Variants in PLSCR2 observed in about 807,000 individuals in gnomAD.
PLSCR2 encodes phospholipid scramblase 2.
PLSCR2 carries 18 observed loss-of-function variants against 25.3 expected under a neutral mutation model. That is an observed-to-expected ratio of 0.71 (90% CI 0.49 to 1.06). The LOEUF (loss-of-function observed/expected upper bound fraction) is 1.06. Among genes scored for constraint, PLSCR2 ranks in the 50% least tolerant of loss-of-function variants. The pLI is 0.00. For missense variants in PLSCR2, 243 were observed against 269.5 expected, an observed-to-expected ratio of 0.90 and a Z score of 0.69; for synonymous variants, 88 against 87.3, an observed-to-expected ratio of 1.01 and a Z score of -0.04.
At chr3:146,475,357 G>A (rs918288806) in intron 1 of PLSCR2, among the ~76,000 whole-genome samples, 1 of 151,810 alleles carries the variant, frequency 6.6e-6, no homozygotes, top group Admixed American at 6.6e-5. Flanking sequence ...CCATTTTTGC[G>A]GGGGTCATTT....
intron 2 of PLSCR2, chr3:146,401,576 T>C (rs1343613232): frequency 6.6e-6 from 1 of 152,534 alleles, no homozygotes; most frequent in South Asian, 2.1e-4. Flanking sequence ...AATAAAATAA[T>C]TCATTAATTT....
intron 3 of PLSCR2, among the ~76,000 whole-genome samples, chr3:146,394,228 A>G (rs2038196820): frequency 1.3e-5 from 2 of 152,070 alleles, no homozygotes; most frequent in South Asian, 4.1e-4. Flanking sequence ...AAAAGAGACT[A>G]CAGATACTTT....
At chr3:146,406,274 C>T (rs1481963807) in intron 2 of PLSCR2, among the ~76,000 whole-genome samples, 3 of 152,088 alleles carry the variant, frequency 2.0e-5, no homozygotes, top group Non-Finnish European at 4.4e-5. Flanking sequence ...ATTTCCAGGA[C>T]AGAGGTAAAA....
In PLSCR2 at chr3:146,393,991, T is replaced by G. The variant is rs186110931; in HGVS notation, c.*145+1769A>C. ...AACTTTTTAACACTTGTCTCTATAT[T>G]TTGAAGTTAATATTACATGCATACA... On this transcript the variant is annotated intron_variant and NMD_transcript_variant, in intron 3 of 3. Coordinates refer to the PLSCR2 transcript ENST00000463633. 5.3e-5 allele frequency among the ~76,000 whole-genome samples: 8 copies of G among 152,178 alleles called. No individual in the cohort carries two copies. In the East Asian group the frequency reaches 1.4e-3, roughly 26 times the overall value.
chr3:146,431,511 T>C (rs927651827), downstream of PLSCR2, among the ~76,000 whole-genome samples: 3 of 152,164 alleles, frequency 2.0e-5, no homozygotes, highest in Non-Finnish European at 4.4e-5. Context: ...CAGGATTACA[T>C]TGAGTTGGAG....
At chr3:146,404,001 A>C (rs2038566892) in intron 2 of PLSCR2, among the ~76,000 whole-genome samples, 1 of 152,068 alleles carries the variant, frequency 6.6e-6, no homozygotes, top group Non-Finnish European at 1.5e-5. Flanking sequence ...TCATTTCATA[A>C]CCATTTTTCC....
At chr3:146,457,374 C>A (rs575883895) in intron 3 of PLSCR2, among the ~76,000 whole-genome samples, 2 of 152,308 alleles carry the variant, frequency 1.3e-5, no homozygotes, top group African/African-American at 4.8e-5. Context: ...TGTTCTGAAG[C>A]ATCTAGAGGC....
intron 2 of PLSCR2, among the ~76,000 whole-genome samples, chr3:146,421,389 A>G (rs1183103057): frequency 1.3e-5 from 2 of 152,044 alleles, no homozygotes; most frequent in African/African-American, 4.8e-5. Context: ...CAGAAAGGTT[A>G]TAGATTCTTT....
intron 1 of PLSCR2, among the ~76,000 whole-genome samples, chr3:146,483,495 A>ATATATATATATATATATATACACGTG (rs1227332975): frequency 1.8e-5 from 2 of 113,090 alleles, no homozygotes; most frequent in Non-Finnish European, 3.7e-5. Flanking sequence ...ATATATATAT[A>ATATATATATATATATATATACACGTG]TATATATATA....
chr3:146,489,143 G>A (rs1474302841), intron 1 of PLSCR2, among the ~76,000 whole-genome samples: 1 of 151,910 alleles, frequency 6.6e-6, no homozygotes, highest in Admixed American at 6.6e-5. Context: ...AGGGAGGGGA[G>A]CAACATACAC....
chr3:146,433,187 T>A (rs938532668), downstream of PLSCR2: 1 of 152,192 alleles, frequency 6.6e-6, no homozygotes, highest in African/African-American at 2.4e-5. Context: ...TTTTTCAATT[T>A]TATTAAAATT....
rs181922667 is a variant in PLSCR2, at chr3:146,435,685, T to C, written c.*35-2168A>G. On this transcript the variant is annotated intron_variant, in intron 8 of 8. Coordinates refer to the PLSCR2 transcript ENST00000336685. ...TTCTGGACATTAGCCTTTTGTCAGA[T>C]GGGTAGATTGTAAAAATTTTCTCCC... is the stretch of plus-strand genomic sequence containing the variant. 1.6e-3 allele frequency among the ~76,000 whole-genome samples: 247 copies of C among 152,352 alleles called. 2 individuals carry two copies. The highest frequency in any genetic ancestry group is 5.7e-3 in the African/African-American group (237 of 41,584).
intron 3 of PLSCR2, among the ~76,000 whole-genome samples, chr3:146,456,046 C>T (rs989840794): frequency 1.3e-5 from 2 of 152,050 alleles, no homozygotes; most frequent in African/African-American, 4.8e-5. Context: ...TTTAGCTCAG[C>T]AGTAATTTGA....
intron 1 of PLSCR2, among the ~76,000 whole-genome samples, chr3:146,466,732 A>C (rs997604091): frequency 6.6e-6 from 1 of 152,028 alleles, no homozygotes; most frequent in Non-Finnish European, 1.5e-5. Context: ...CATAAAGATA[A>C]AGTGTTTACT....
At chr3:146,430,801 C>A (rs1326487103), downstream of PLSCR2, among the ~76,000 whole-genome samples, 3 of 151,130 alleles carry the variant, frequency 2.0e-5, no homozygotes, top group Non-Finnish European at 2.9e-5. Flanking sequence ...GCAGTCACAT[C>A]TCTTAGCCTT....
intron 1 of PLSCR2, among the ~76,000 whole-genome samples, chr3:146,476,677 C>T (rs183948535): frequency 9.8e-5 from 15 of 152,350 alleles, no homozygotes; most frequent in African/African-American, 2.2e-4. Flanking sequence ...TGTATTTCCC[C>T]GGCTGGTGCC....
chr3:146,453,344 G>A (rs140837746), intron 5 of PLSCR2, among the ~76,000 whole-genome samples: 8 of 152,080 alleles, frequency 5.3e-5, no homozygotes, highest in African/African-American at 1.9e-4. Flanking sequence ...TCAAGATTAA[G>A]TTATAAAACC....
chr3:146,480,377 A>C (rs1223860138), intron 1 of PLSCR2, among the ~76,000 whole-genome samples: 2 of 152,210 alleles, frequency 1.3e-5, no homozygotes, highest in Non-Finnish European at 2.9e-5. Flanking sequence ...AGAATCAAAC[A>C]GACGCAATAA....
upstream of PLSCR2, chr3:146,464,055 C>A (rs1308417049): frequency 1.3e-6 from 1 of 778,878 alleles, no homozygotes; most frequent in Non-Finnish European, 1.6e-6. Context: ...TTTCTTAGAA[C>A]AATCGGAATC....
Sources: allele counts gnomAD v4.1 joint callset (sites outside exome capture counted in the v4.1 genomes callset), GRCh38; gene constraint gnomAD v4.1.1; transcripts MANE v1.5; gene names NCBI Gene and HGNC (gene_info 2026-07-23, HGNC 2026-07-21).